Variants in RB1CC1 observed in about 807,000 individuals in gnomAD.
RB1CC1 encodes RB1 inducible coiled-coil 1, also known as RB1-inducible coiled-coil protein 1.
In RB1CC1, 46 loss-of-function variants were observed where a neutral mutation model predicts 177.5. The observed-to-expected ratio is 0.26, with a 90% confidence interval of 0.20 to 0.33. RB1CC1 has a LOEUF of 0.33. Ranked by LOEUF, RB1CC1 falls within the 10% of genes least tolerant of loss-of-function variation. The pLI is 1.00. For synonymous variants in RB1CC1, 666 were observed against 613.6 expected, an observed-to-expected ratio of 1.09 and a Z score of -1.26; for missense variants, 1,703 against 1,816.3, an observed-to-expected ratio of 0.94 and a Z score of 1.13.
chr8:52,648,591 C>T (rs181651096), intron 15 of RB1CC1, among the ~76,000 whole-genome samples: 5 of 152,272 alleles, frequency 3.3e-5, no homozygotes, highest in Admixed American at 3.3e-4. Flanking sequence ...TCCCCCTTTA[C>T]CCACAGGGAA....
intron 20 of RB1CC1, among the ~76,000 whole-genome samples, chr8:52,632,705 C>T (rs1848854500): frequency 2.6e-5 from 4 of 152,146 alleles, no homozygotes; most frequent in Middle Eastern, 6.8e-3. Flanking sequence ...ATCTTGGGAA[C>T]CAAAAATCAC....
chr8:52,660,521 AT>A (rs1851518627), intron 12 of RB1CC1, 74 bp downstream of exon 12: 3 of 1,336,320 alleles, frequency 2.2e-6, no homozygotes, highest in Non-Finnish European at 3.1e-6. Context: ...CAAGTTTCTG[AT>A]AAATGTCTCT....
In RB1CC1 at chr8:52,656,994, A is replaced by T. The variant is rs1322336466; in HGVS notation, c.2835T>A (p.Asn945Lys). The change falls in exon 15 of 24, where the codon AAT (asparagine) becomes AAA (lysine). Residue 945 changes from asparagine (N) to lysine (K), a missense_variant. By Grantham distance (94) the Asn-to-Lys change is moderately conservative (BLOSUM62 0). This residue lies in a region of RB1CC1 where 1,169 missense variants were observed against 1,184.7 expected (regional missense o/e 0.99). Transcript: ENST00000025008. The stretch of plus-strand genomic sequence containing the variant: ...ACTGCTTCAGTTCTTTAATTTCACA[A>T]TTTTGAGAGTGCATTATATTTTCCA... ...LEMENIMHSQ[N>K]CEIKELKQSR... 6.2e-7 allele frequency: 1 copy of T among 1,613,730 alleles called. No homozygotes were observed. The highest frequency in any genetic ancestry group is 2.2e-5 in the East Asian group (1 of 44,834).
intron 7 of RB1CC1, among the ~76,000 whole-genome samples, chr8:52,671,445 T>G (rs1444886964): frequency 6.6e-6 from 1 of 152,182 alleles, no homozygotes; most frequent in African/African-American, 2.4e-5. Flanking sequence ...GGACAACCGT[T>G]TAATAAAATG....
chr8:52,630,611 T>C (rs1013854061), intron 20 of RB1CC1, 83 bp from the exon 21 acceptor site: 8 of 1,401,640 alleles, frequency 5.7e-6, no homozygotes, highest in Non-Finnish European at 7.6e-6. Context: ...CCCACTGTTA[T>C]ACACATTCAA....
intron 7 of RB1CC1, among the ~76,000 whole-genome samples, chr8:52,672,411 T>C (rs62499949): frequency 0.15 from 22,565 of 152,210 alleles, 2,213 homozygotes; most frequent in Non-Finnish European, 0.23. Context: ...GCTTCATATA[T>C]ATAACTCTGT....
At chr8:52,704,671 G>A (rs181890369) in intron 1 of RB1CC1, among the ~76,000 whole-genome samples, 14 of 152,074 alleles carry the variant, frequency 9.2e-5, no homozygotes, top group South Asian at 2.1e-4. Flanking sequence ...CCTAATTTAC[G>A]TAAAGTCCAT....
At chr8:52,625,821 T>A (rs1413879145) in intron 22 of RB1CC1, among the ~76,000 whole-genome samples, 1 of 152,178 alleles carries the variant, frequency 6.6e-6, no homozygotes, top group African/African-American at 2.4e-5. Context: ...CATGGTAAAG[T>A]CAAAAAGTTT....
At chr8:52,669,922 T>C (rs1419502720) in intron 7 of RB1CC1, among the ~76,000 whole-genome samples, 1 of 152,052 alleles carries the variant, frequency 6.6e-6, no homozygotes, top group Non-Finnish European at 1.5e-5. Context: ...GGAGAGTATT[T>C]TATGATTCAC....
intron 1 of RB1CC1, among the ~76,000 whole-genome samples, chr8:52,707,375 C>T (rs1363241282): frequency 6.6e-6 from 1 of 151,030 alleles, no homozygotes; most frequent in Non-Finnish European, 1.5e-5. Context: ...TGTCAATGAA[C>T]TATCATTCTA....
intron 18 of RB1CC1, among the ~76,000 whole-genome samples, chr8:52,636,827 A>G (rs1385748110): frequency 6.6e-6 from 1 of 152,172 alleles, no homozygotes; most frequent in Non-Finnish European, 1.5e-5. Flanking sequence ...CTATCCCTGC[A>G]CCATTTGCTG....
chr8:52,659,765 A>AG (rs1416465513), intron 12 of RB1CC1, among the ~76,000 whole-genome samples: 1 of 152,232 alleles, frequency 6.6e-6, no homozygotes, highest in Non-Finnish European at 1.5e-5. Context: ...TGGGAGGCCA[A>AG]GGTGGGCAGA....
At chr8:52,692,470 G>T (rs1333594514) in intron 1 of RB1CC1, among the ~76,000 whole-genome samples, 1 of 152,164 alleles carries the variant, frequency 6.6e-6, no homozygotes, top group Non-Finnish European at 1.5e-5. Context: ...AGTAAGAACT[G>T]TATGAAGTAT....
At chr8:52,685,304 G>A (rs796801880) in intron 3 of RB1CC1, 95 bp downstream of exon 3, 129 of 933,608 alleles carry the variant, frequency 1.4e-4, no homozygotes, top group African/African-American at 1.4e-4. Flanking sequence ...GCACCCGGCC[G>A]CCATTATCCT....
intron 1 of RB1CC1, among the ~76,000 whole-genome samples, chr8:52,706,611 A>T (rs986823744): frequency 3.3e-5 from 5 of 151,712 alleles, no homozygotes; most frequent in African/African-American, 1.2e-4. Flanking sequence ...AGGCACCTGT[A>T]GTCCCAGCTA....
chr8:52,711,951 G>C (rs541595266), intron 1 of RB1CC1, among the ~76,000 whole-genome samples: 5 of 152,102 alleles, frequency 3.3e-5, no homozygotes, highest in Admixed American at 2.0e-4. Context: ...ATCAGTGGCC[G>C]GGCTTTGGGA....
chr8:52,669,861 C>T lies in RB1CC1; in HGVS notation c.1003-1670G>A, dbSNP rs189898103. 2.7e-4 allele frequency among the ~76,000 whole-genome samples: 41 copies of T among 152,262 alleles called. No homozygotes were observed. In the East Asian group the frequency reaches 6.7e-3, roughly 25 times the overall value. ...CAAAAACAAGGGCTCCTGAATACAA[C>T]GTATCTGAATTTAATAATTCATTGA... On this transcript the variant is annotated intron_variant, in intron 7 of 23. Transcript: ENST00000025008.
In RB1CC1 at chr8:52,630,521, T is replaced by C; in HGVS notation, c.4448A>G (p.Gln1483Arg). Reference sequence around the variant, plus strand: ...CCTTGAAGATACTGAAGACATGCTCTGAGACATCTAAAAAAAAAAAAAAAG... The same window carrying C: ...CCTTGAAGATACTGAAGACATGCTCCGAGACATCTAAAAAAAAAAAAAAAG... ...NKRLNQRLMSQSMSSVSSRHS... is the reference protein window; with the variant it reads ...NKRLNQRLMSRSMSSVSSRHS... The change falls in exon 21 of 24, where the codon CAG becomes CGG. Residue 1483 changes from glutamine (Q) to arginine (R), a missense_variant. Coordinates refer to ENST00000025008, the MANE Select transcript of RB1CC1 (RefSeq NM_014781.5). 6.4e-7 allele frequency: 1 copy of C among 1,563,774 alleles called. No homozygotes were observed. The highest frequency in any genetic ancestry group is 1.4e-5 in the African/African-American group (1 of 71,366).
At chr8:52,626,798 C>G (rs1279861882) in intron 22 of RB1CC1, among the ~76,000 whole-genome samples, 1 of 75,268 alleles carries the variant, frequency 1.3e-5, no homozygotes, top group Non-Finnish European at 2.6e-5. Context: ...CCACAAATAG[C>G]CATGATGGAG....
Sources: allele counts gnomAD v4.1 joint callset (sites outside exome capture counted in the v4.1 genomes callset), GRCh38; gene constraint gnomAD v4.1.1; regional missense constraint gnomAD v4.1.1; transcripts MANE v1.5; gene names NCBI Gene and HGNC (gene_info 2026-07-23, HGNC 2026-07-21).